SOX5: variants seen among roughly 807,000 people sequenced by gnomAD.
The protein encoded by SOX5 is SRY-box transcription factor 5, also known as transcription factor SOX-5.
SOX5 carries 9 observed loss-of-function variants against 92.0 expected under a neutral mutation model. The ratio of observed to expected loss-of-function variants is 0.10; its 90% CI spans 0.06 to 0.17. The LOEUF (loss-of-function observed/expected upper bound fraction) is 0.17, where lower values mean the gene tolerates loss of function less well. Ranked by LOEUF, SOX5 falls within the 10% of genes least tolerant of loss-of-function variation. SOX5 has a pLI of 1.00. For missense variants in SOX5, 642 were observed against 944.5 expected, an observed-to-expected ratio of 0.68 and a Z score of 4.20; for synonymous variants, 344 against 336.3, an observed-to-expected ratio of 1.02 and a Z score of -0.25.
intron 1 of SOX5, among the ~76,000 whole-genome samples, chr12:24,507,367 A>G (rs1387891964): frequency 6.6e-6 from 1 of 151,732 alleles, no homozygotes; most frequent in African/African-American, 2.4e-5. Context: ...GCTAATTTAT[A>G]GTTCTAGGAT....
intron 12 of SOX5, 41 bp from the exon 13 acceptor site, chr12:23,543,425 T>G (rs1454627588): frequency 6.5e-7 from 1 of 1,528,980 alleles, no homozygotes; most frequent in Non-Finnish European, 9.0e-7. Context: ...CGTTAAAACT[T>G]TTGTCAGCTC....
intron 4 of SOX5, among the ~76,000 whole-genome samples, chr12:24,107,034 T>A (rs973735459): frequency 6.6e-6 from 1 of 151,682 alleles, no homozygotes; most frequent in African/African-American, 2.4e-5. Context: ...CAATCCTAAG[T>A]GGAACAAATG....
At chr12:24,333,050 G>A (rs1237840614) in intron 2 of SOX5, among the ~76,000 whole-genome samples, 2 of 151,726 alleles carry the variant, frequency 1.3e-5, no homozygotes, top group Non-Finnish European at 2.9e-5. Flanking sequence ...ATCAAAACGC[G>A]ACAATATTAG....
chr12:23,971,530 A>AAT (rs139288287), intron 4 of SOX5, among the ~76,000 whole-genome samples: 5,411 of 146,854 alleles, frequency 0.037, 269 homozygotes, highest in African/African-American at 0.12. Context: ...TCCACTTCAG[A>AAT]ATATATATAT....
chr12:23,839,067 T>C (rs1294401226), intron 3 of SOX5, among the ~76,000 whole-genome samples: 1 of 151,700 alleles, frequency 6.6e-6, no homozygotes, highest in East Asian at 1.9e-4. Flanking sequence ...CAGGCTGGTC[T>C]CAAACTCCTG....
intron 1 of SOX5, among the ~76,000 whole-genome samples, chr12:24,484,101 C>T (rs1211188926): frequency 1.3e-5 from 2 of 152,150 alleles, no homozygotes; most frequent in Non-Finnish European, 1.5e-5. Context: ...TCTCAAAAGC[C>T]TTACCAAAGA....
chr12:24,383,498 A>G (rs946429227), intron 1 of SOX5, among the ~76,000 whole-genome samples: 19 of 152,214 alleles, frequency 1.2e-4, no homozygotes, highest in African/African-American at 1.7e-4. Flanking sequence ...TAAACAATTC[A>G]TAAGTTTTCT....
intron 6 of SOX5, among the ~76,000 whole-genome samples, chr12:23,702,481 G>C (rs1593431559): frequency 6.6e-6 from 1 of 151,938 alleles, no homozygotes; most frequent in East Asian, 1.9e-4. Context: ...ATTAAAACTA[G>C]AGAAACCATA....
intron 1 of SOX5, among the ~76,000 whole-genome samples, chr12:23,926,207 T>C (rs1939880652): frequency 6.6e-6 from 1 of 152,148 alleles, no homozygotes. Context: ...TTTTCAATTT[T>C]GTATTCAGTG....
intron 2 of SOX5, among the ~76,000 whole-genome samples, chr12:24,312,803 A>G (rs1326625101): frequency 6.6e-6 from 1 of 152,202 alleles, no homozygotes; most frequent in Non-Finnish European, 1.5e-5. Flanking sequence ...CAACTCCGTG[A>G]CTTACAGGTC....
rs59696898 is a variant in SOX5 at position 24,266,034 on chromosome 12, A to ATGTGTGTG, written c.-77+11174_-77+11181dup. Among the ~76,000 whole-genome samples, 344 of 127,704 alleles carry ATGTGTGTG rather than the reference A, an allele frequency of 2.7e-3. 1 individual carries two copies. Among genetic ancestry groups the ATGTGTGTG allele is most frequent in the African/African-American group, 9.1e-3 (312 of 34,448 alleles). The allele number at this position is 127,704 out of a possible 152,430, so 83.8% of individuals were successfully genotyped here. A position where few individuals can be genotyped will look rare whatever the true frequency, so the allele number is the denominator to read the frequency against. Reference sequence around the variant, plus strand: ...CAGGTGTATGCCATCATGCCAGCTAATGTGTGTGTGTGTGTGTGTGTGTGT... The same window carrying ATGTGTGTG: ...CAGGTGTATGCCATCATGCCAGCTAATGTGTGTGTGTGTGTGTGTGTGTGTGTGTGTGT... On this transcript the variant is annotated intron_variant, in intron 3 of 4. Transcript: ENST00000446891.
At chr12:23,728,746 A>G (rs1040071686) in intron 6 of SOX5, among the ~76,000 whole-genome samples, 1 of 152,234 alleles carries the variant, frequency 6.6e-6, no homozygotes. Context: ...AAGAAAACTC[A>G]TTTTAAAACT....
At chr12:24,363,646 A>G (rs1008392225) in intron 2 of SOX5, among the ~76,000 whole-genome samples, 1 of 152,094 alleles carries the variant, frequency 6.6e-6, no homozygotes, top group African/African-American at 2.4e-5. Context: ...AACAGTGTCA[A>G]CTGTTTAACC....
intron 1 of SOX5, among the ~76,000 whole-genome samples, chr12:24,453,422 T>C (rs1942601807): frequency 6.6e-6 from 1 of 152,230 alleles, no homozygotes; most frequent in Non-Finnish European, 1.5e-5. Flanking sequence ...CATAGCTTAA[T>C]ACTTAGGTAA....
At chr12:23,668,485 C>T (rs975232153) in intron 6 of SOX5, among the ~76,000 whole-genome samples, 3 of 152,116 alleles carry the variant, frequency 2.0e-5, no homozygotes, top group African/African-American at 4.8e-5. Flanking sequence ...GAAAAGGACA[C>T]ACAATATCAA....
chr12:23,976,597 A>G (rs541172168), intron 4 of SOX5, among the ~76,000 whole-genome samples: 1 of 152,222 alleles, frequency 6.6e-6, no homozygotes, highest in African/African-American at 2.4e-5. Context: ...TTTGGATAAT[A>G]TAATGAATAT....
intron 1 of SOX5, among the ~76,000 whole-genome samples, chr12:23,947,492 A>G (rs757257796): frequency 7.2e-5 from 11 of 151,980 alleles, no homozygotes; most frequent in Non-Finnish European, 1.0e-4. Flanking sequence ...TACAAATTCA[A>G]TGTAAACAAA....
intron 6 of SOX5, among the ~76,000 whole-genome samples, chr12:23,691,010 C>T (rs886290859): frequency 1.3e-5 from 2 of 152,178 alleles, no homozygotes; most frequent in Non-Finnish European, 2.9e-5. Context: ...CTCATTTTCT[C>T]AGTCTTCAAG....
At chr12:24,534,266 T>G (rs1224252012) in intron 1 of SOX5, among the ~76,000 whole-genome samples, 1 of 151,862 alleles carries the variant, frequency 6.6e-6, no homozygotes, top group Non-Finnish European at 1.5e-5. Flanking sequence ...TTTGCTTTTT[T>G]TTTTTTCGGG....
Sources: allele counts gnomAD v4.1 joint callset (sites outside exome capture counted in the v4.1 genomes callset), GRCh38; gene constraint gnomAD v4.1.1; transcripts MANE v1.5; gene names NCBI Gene and HGNC (gene_info 2026-07-23, HGNC 2026-07-21).